The following ARHGAP44 variants were observed in gnomAD, a reference collection of about 807,000 sequenced individuals.
The protein encoded by ARHGAP44 is Rho GTPase activating protein 44, also known as rho GTPase-activating protein 44.
In ARHGAP44, 43 loss-of-function variants were observed where a neutral mutation model predicts 106.8. The ratio of observed to expected loss-of-function variants is 0.40; its 90% CI spans 0.32 to 0.52. The LOEUF (loss-of-function observed/expected upper bound fraction) is 0.52. Ranked by LOEUF, ARHGAP44 falls within the 20% of genes least tolerant of loss-of-function variation. The probability of loss-of-function intolerance (pLI) is 0.48; values close to 1 mark genes in which losing one functional copy is unlikely to be tolerated. For missense variants in ARHGAP44, 866 were observed against 1,050.5 expected (o/e 0.82, Z 2.43); for synonymous variants, 439 against 410.3 (o/e 1.07, Z -0.85).
chr17:12,838,374 G>A (rs2035296847), intron 1 of ARHGAP44, among the ~76,000 whole-genome samples: 1 of 152,162 alleles, frequency 6.6e-6, no homozygotes, highest in African/African-American at 2.4e-5. Flanking sequence ...AGTTGGGAAA[G>A]GTTTTGACTA....
rs1344557512 is a variant in ARHGAP44, at chr17:12,955,963, A to G, written c.1233A>G (p.Leu411=). 7.4e-6 allele frequency: 12 copies of G among 1,612,544 alleles called. No individual in the cohort carries two copies. The highest frequency in any genetic ancestry group is 3.3e-5 in the South Asian group (3 of 91,002). The change falls in exon 14 of 21, where the codon CTA becomes CTG. Residue 411 remains leucine (L), a synonymous_variant. Coordinates refer to ENST00000379672, the MANE Select transcript of ARHGAP44 (RefSeq NM_014859.6). ...CAATTGTTTTAGGACCCAACCTCCT[A>G]TGGCCACAAGCAGAAGGGTAAGTAC... is the stretch of plus-strand genomic sequence containing the variant. ...NMAIVLGPNL[L]WPQAEGNITE...
chr17:12,989,424 A>G (rs2040053593), intron 20 of ARHGAP44, among the ~76,000 whole-genome samples: 1 of 152,154 alleles, frequency 6.6e-6, no homozygotes, highest in Non-Finnish European at 1.5e-5. Flanking sequence ...GCCGGGAAAA[A>G]TGACCTTTTA....
intron 1 of ARHGAP44, among the ~76,000 whole-genome samples, chr17:12,889,298 TA>T (rs2036972045): frequency 6.6e-6 from 1 of 152,198 alleles, no homozygotes; most frequent in Non-Finnish European, 1.5e-5. Flanking sequence ...CTGAGTAATT[TA>T]TAAGAAGCTG....
intron 18 of ARHGAP44, among the ~76,000 whole-genome samples, chr17:12,978,861 G>A (rs1264651288): frequency 6.6e-6 from 1 of 151,946 alleles, no homozygotes; most frequent in Non-Finnish European, 1.5e-5. Flanking sequence ...GCTAATTTTT[G>A]CATTTTTAGT....
At chr17:12,922,417 A>C (rs113911004) in intron 6 of ARHGAP44, among the ~76,000 whole-genome samples, 2,283 of 152,248 alleles carry the variant, frequency 0.015, 60 homozygotes, top group South Asian at 0.1. Flanking sequence ...ATGAGTGTTC[A>C]AGTACCCTAT....
At chr17:12,895,021 T>C in intron 2 of ARHGAP44, 42 bp downstream of exon 2, 7 of 1,555,210 alleles carry the variant, frequency 4.5e-6, no homozygotes, top group Non-Finnish European at 6.1e-6. Flanking sequence ...ACCAGAGATA[T>C]ATGGGAGGCT....
rs528969142 is a variant in ARHGAP44, at chr17:12,947,864, A to G, written c.862-1276A>G. Among the ~76,000 whole-genome samples, 3 of 152,348 alleles carry G rather than the reference A, an allele frequency of 2.0e-5. No homozygotes were observed. The South Asian group carries it at 6.2e-4, about 32-fold the overall frequency. ...AAACATGTTCATGTAGCTTCCTCAC[A>G]TATATGCCCAAAGAGCTTTGCACAT... On this transcript the variant is annotated intron_variant, in intron 10 of 20. Transcript: ENST00000379672.
intron 3 of ARHGAP44, among the ~76,000 whole-genome samples, chr17:12,902,764 C>T (rs2037411015): frequency 6.6e-6 from 1 of 152,294 alleles, no homozygotes; most frequent in Admixed American, 6.5e-5. Context: ...AGTTAATTAC[C>T]TCATAAGCCT....
chr17:12,859,417 A>G (rs982586969), intron 1 of ARHGAP44, among the ~76,000 whole-genome samples: 1 of 152,182 alleles, frequency 6.6e-6, no homozygotes, highest in Non-Finnish European at 1.5e-5. Flanking sequence ...GGAGCCTTTT[A>G]TAAGTCCTAG....
At chr17:12,811,050 A>G (rs557827020) in intron 1 of ARHGAP44, among the ~76,000 whole-genome samples, 1 of 152,266 alleles carries the variant, frequency 6.6e-6, no homozygotes, top group African/African-American at 2.4e-5. Context: ...CGGTGGCTCA[A>G]GCCTGTAATC....
chr17:12,971,826 G>C (rs1016703401), intron 16 of ARHGAP44, among the ~76,000 whole-genome samples: 1 of 152,076 alleles, frequency 6.6e-6, no homozygotes, highest in African/African-American at 2.4e-5. Flanking sequence ...ACCAGCAATC[G>C]TACTAGACAT....
intron 1 of ARHGAP44, among the ~76,000 whole-genome samples, chr17:12,876,099 T>G (rs1220800825): frequency 3.9e-5 from 6 of 152,114 alleles, no homozygotes; most frequent in Non-Finnish European, 8.8e-5. Context: ...AATCAACCAA[T>G]CCATACCCCC....
intron 1 of ARHGAP44, among the ~76,000 whole-genome samples, chr17:12,891,685 AC>A (rs1229524489): frequency 6.6e-6 from 1 of 152,140 alleles, no homozygotes; most frequent in Non-Finnish European, 1.5e-5. Context: ...TCTAGGTGTT[AC>A]CTACTATTTA....
intron 1 of ARHGAP44, among the ~76,000 whole-genome samples, chr17:12,858,224 T>A (rs147840380): frequency 1.3e-5 from 2 of 152,164 alleles, no homozygotes; most frequent in Non-Finnish European, 1.5e-5. Flanking sequence ...CAGCCAAATA[T>A]GGGAACTGTG....
chr17:12,903,186 T>TGTGTGTGTGTGTG (rs1598027201), intron 3 of ARHGAP44, among the ~76,000 whole-genome samples: 2 of 127,612 alleles, frequency 1.6e-5, no homozygotes, highest in Admixed American at 7.5e-5. Context: ...TGTGTGTGTG[T>TGTGTGTGTGTGTG]TTGGAGGAAT....
At chr17:12,885,324 GGTGT>G (rs146415425) in intron 1 of ARHGAP44, among the ~76,000 whole-genome samples, 358 of 148,768 alleles carry the variant, frequency 2.4e-3, no homozygotes, top group Admixed American at 6.5e-3. Flanking sequence ...TCACAGAGTA[GGTGT>G]GTGTGTGTGT....
intron 1 of ARHGAP44, 29 bp from the exon 2 acceptor site, chr17:12,894,911 A>G (rs148141494): frequency 1.3e-6 from 2 of 1,566,254 alleles, no homozygotes; most frequent in Admixed American, 3.8e-5. Flanking sequence ...TAGTTTTGTT[A>G]CTGATATGTT....
chr17:12,973,223 T>C, intron 16 of ARHGAP44, 79 bp from the exon 17 acceptor site: 1 of 1,477,110 alleles, frequency 6.8e-7, no homozygotes, highest in Non-Finnish European at 9.3e-7. Context: ...GAGAGACCCC[T>C]TACAGAAAGA....
chr17:12,868,629 A>G (rs1380933212), intron 1 of ARHGAP44, among the ~76,000 whole-genome samples: 1 of 135,474 alleles, frequency 7.4e-6, no homozygotes, highest in African/African-American at 2.8e-5. Flanking sequence ...ATATATATAT[A>G]TATGAAATGT....
Sources: gnomAD v4.1 joint callset for allele counts (sites outside exome capture counted in the v4.1 genomes callset) on GRCh38, gnomAD v4.1.1 for gene constraint, MANE v1.5 for transcripts, NCBI Gene and HGNC (gene_info 2026-07-23, HGNC 2026-07-21) for gene names.